The following JADE3 variants were observed in gnomAD, a reference collection of about 807,000 sequenced individuals.
JADE3 encodes the protein jade family PHD finger 3.
In JADE3, 2 loss-of-function variants were observed where a neutral mutation model predicts 50.1. That is an observed-to-expected ratio of 0.04 (90% CI 0.02 to 0.13). The LOEUF is 0.13. JADE3 is among the 10% of genes least tolerant of loss of function. JADE3 has a pLI of 1.00. For synonymous variants in JADE3, 218 were observed against 232.9 expected (o/e 0.94, Z 0.58); for missense variants, 475 against 634.4 (o/e 0.75, Z 2.70).
chrX:47,024,943 G>C, intron 5 of JADE3, 29 bp downstream of exon 5: 1 of 898,995 alleles, frequency 1.1e-6, no homozygotes, highest in Non-Finnish European at 1.6e-6. Flanking sequence ...AGTAAGTTGT[G>C]ACTTAATTCA....
At chrX:46,979,355 G>T (rs782187253) in intron 1 of JADE3, among the ~76,000 whole-genome samples, 139 of 112,366 alleles carry the variant, frequency 1.2e-3, no homozygotes, top group African/African-American at 4.4e-3. Flanking sequence ...AACTTCAGAT[G>T]AGAGGAGTAT....
At chrX:46,941,480 A>G (rs1488410724) in intron 1 of JADE3, among the ~76,000 whole-genome samples, 2 of 111,444 alleles carry the variant, frequency 1.8e-5, no homozygotes, top group Admixed American at 9.5e-5. Flanking sequence ...GAACTCCCCA[A>G]ACCACTTTCC....
At chrX:46,990,293 T>C (rs937836596) in intron 3 of JADE3, among the ~76,000 whole-genome samples, 18 of 111,700 alleles carry the variant, frequency 1.6e-4, no homozygotes, top group African/African-American at 5.9e-4. Flanking sequence ...CTGAGTCTTA[T>C]TTAAATCTTC....
intron 1 of JADE3, 76 bp downstream of exon 1, chrX:46,912,795 C>T (rs1378131722): frequency 8.9e-6 from 1 of 111,906 alleles, no homozygotes; most frequent in Non-Finnish European, 1.9e-5. Flanking sequence ...GGAGCGGCGG[C>T]CTCCGGGAGT....
chrX:46,957,873 T>C (rs1370181092), intron 1 of JADE3, among the ~76,000 whole-genome samples: 1 of 112,315 alleles, frequency 8.9e-6, no homozygotes, highest in Non-Finnish European at 1.9e-5. Flanking sequence ...ACTTTCTGAA[T>C]TTTGCTTTTA....
intron 1 of JADE3, among the ~76,000 whole-genome samples, chrX:46,979,965 C>T (rs976726893): frequency 9.6e-6 from 1 of 104,254 alleles, no homozygotes; most frequent in Admixed American, 1.0e-4. Context: ...CTGCAACCTC[C>T]GCCTCCCAGG....
In JADE3 at chrX:46,923,393, C is replaced by CTCTCTCTTTTTTTT. The variant is rs1556338199; in HGVS notation, c.-12+10675_-12+10676insCTCTCTTTTTTTTT. ...ATTTCTTTTCTCTCTCTCTCTCTCT[C>CTCTCTCTTTTTTTT]TTTTTTTTTTTTTTTTTTTTTTTTT... On this transcript the variant is annotated intron_variant, in intron 1 of 10. Transcript: ENST00000614628. Among the ~76,000 whole-genome samples, 4 of 11,520 alleles carry CTCTCTCTTTTTTTT rather than the reference C, an allele frequency of 3.5e-4. 1 individual carries two copies. The highest frequency in any genetic ancestry group is 4.0e-4 in the Non-Finnish European group (2 of 4,941). The allele number at this position is 11,520 out of a possible 115,157, so 10.0% of individuals were successfully genotyped here.
chrX:46,978,754 T>TG (rs1325320195), intron 1 of JADE3, among the ~76,000 whole-genome samples: 1 of 111,280 alleles, frequency 9.0e-6, no homozygotes, highest in Non-Finnish European at 1.9e-5. Flanking sequence ...TGGATCAACT[T>TG]GGAGTGCTCA....
At chrX:46,962,832 A>C (rs1184442530) in intron 1 of JADE3, among the ~76,000 whole-genome samples, 1 of 75,388 alleles carries the variant, frequency 1.3e-5, no homozygotes, top group Non-Finnish European at 2.5e-5. Flanking sequence ...AACCTAATAT[A>C]AACTAATTTT....
chrX:47,055,295 A>C (rs1445353506), intron 9 of JADE3, among the ~76,000 whole-genome samples: 4 of 111,755 alleles, frequency 3.6e-5, no homozygotes, highest in Non-Finnish European at 7.5e-5. Context: ...CCCTGTGTTT[A>C]TCCTAGAGAA....
chrX:46,983,513 C>T (rs1361970276), intron 1 of JADE3, among the ~76,000 whole-genome samples: 3 of 111,126 alleles, frequency 2.7e-5, no homozygotes, highest in Non-Finnish European at 5.7e-5. Context: ...TCTCCTGGAA[C>T]GTAGCCTCAG....
chrX:47,033,887 G>C (rs908898143), intron 7 of JADE3, 99 bp downstream of exon 7: 6 of 717,321 alleles, frequency 8.4e-6, no homozygotes, highest in Admixed American at 3.9e-5. Flanking sequence ...AATGCTTCAT[G>C]CTTGCCCATG....
At chrX:46,977,114 C>T (rs782530354) in intron 1 of JADE3, among the ~76,000 whole-genome samples, 7 of 112,211 alleles carry the variant, frequency 6.2e-5, no homozygotes, top group African/African-American at 2.3e-4. Flanking sequence ...AATCCCAGCA[C>T]TTTGGGAGGC....
intron 1 of JADE3, among the ~76,000 whole-genome samples, chrX:46,961,529 T>A (rs1927259780): frequency 8.9e-6 from 1 of 112,499 alleles, no homozygotes; most frequent in South Asian, 3.7e-4. Flanking sequence ...CTGGTAAAAA[T>A]GAAATATTTC....
At chrX:46,916,105 C>G (rs1430924276) in intron 1 of JADE3, among the ~76,000 whole-genome samples, 1 of 111,578 alleles carries the variant, frequency 9.0e-6, no homozygotes, top group African/African-American at 3.3e-5. Flanking sequence ...ATATATGATA[C>G]CAGCATGGCC....
At chrX:46,915,634 A>G (rs1413177602) in intron 1 of JADE3, among the ~76,000 whole-genome samples, 1 of 110,874 alleles carries the variant, frequency 9.0e-6, no homozygotes, top group Non-Finnish European at 1.9e-5. Context: ...GAGTTTTCTG[A>G]TTTCTGGAAT....
chrX:46,988,942 C>T (rs190487400), intron 3 of JADE3, among the ~76,000 whole-genome samples: 35 of 112,421 alleles, frequency 3.1e-4, no homozygotes, highest in Non-Finnish European at 9.4e-5. Flanking sequence ...CAGGTTCAAG[C>T]GATTTTCCTG....
intron 4 of JADE3, among the ~76,000 whole-genome samples, chrX:47,000,757 G>A (rs782804328): frequency 9.0e-6 from 1 of 110,736 alleles, no homozygotes; most frequent in African/African-American, 3.3e-5. Flanking sequence ...TCACCATGTT[G>A]GCCAGGCTGG....
intron 5 of JADE3, 94 bp downstream of exon 5, chrX:47,025,008 C>T: frequency 2.4e-6 from 1 of 423,935 alleles, no homozygotes; most frequent in Non-Finnish European, 4.0e-6. Context: ...TTTGTTGCCT[C>T]CTTTCTTTTC....
Sources: gnomAD v4.1 joint callset for allele counts (sites outside exome capture counted in the v4.1 genomes callset) on GRCh38, gnomAD v4.1.1 for gene constraint, MANE v1.5 for transcripts, NCBI Gene and HGNC (gene_info 2026-07-23, HGNC 2026-07-21) for gene names.